Variants in SUPT20H observed in about 807,000 individuals in gnomAD.
SUPT20H encodes SPT20 homolog, SAGA complex component.
SUPT20H carries 82 observed loss-of-function variants against 122.8 expected under a neutral mutation model. The observed-to-expected ratio is 0.67, with a 90% CI of 0.56 to 0.80. The LOEUF (loss-of-function observed/expected upper bound fraction) is 0.80, where lower values mean the gene tolerates loss of function less well. Ranked by LOEUF, SUPT20H falls within the 30% of genes least tolerant of loss-of-function variation. The pLI, the probability that SUPT20H is intolerant of heterozygous loss-of-function variation, is 0.00. For missense variants in SUPT20H, 831 were observed against 921.6 expected, an observed-to-expected ratio of 0.90 and a Z score of 1.27; for synonymous variants, 291 against 313.0, an observed-to-expected ratio of 0.93 and a Z score of 0.74.
chr13:37,041,444 G>A (rs1594371824), intron 7 of SUPT20H, among the ~76,000 whole-genome samples: 2 of 152,008 alleles, frequency 1.3e-5, no homozygotes, highest in Admixed American at 6.6e-5. Context: ...CATGAACCCA[G>A]GCGGTGGGGC....
At chr13:37,055,373 A>G (rs960293555) in intron 1 of SUPT20H, among the ~76,000 whole-genome samples, 3 of 152,148 alleles carry the variant, frequency 2.0e-5, no homozygotes, top group African/African-American at 7.2e-5. Context: ...ACTATACTAC[A>G]AGGCTACATT....
intron 21 of SUPT20H, among the ~76,000 whole-genome samples, chr13:37,020,560 T>TA (rs753595437): frequency 1.3e-5 from 2 of 152,182 alleles, no homozygotes; most frequent in Non-Finnish European, 2.9e-5. Context: ...GTAAATATCC[T>TA]AAGTTCAAGA....
intron 23 of SUPT20H, among the ~76,000 whole-genome samples, chr13:37,016,879 A>T (rs556548968): frequency 6.6e-6 from 1 of 152,134 alleles, no homozygotes; most frequent in Non-Finnish European, 1.5e-5. Context: ...GATAATAGGG[A>T]TATCTTTATT....
chr13:37,028,976 A>C (rs2062806432), intron 13 of SUPT20H, among the ~76,000 whole-genome samples: 1 of 151,752 alleles, frequency 6.6e-6, no homozygotes, highest in Non-Finnish European at 1.5e-5. Context: ...TAAAACTTTC[A>C]AAAGCAGATC....
chr13:37,033,544 A>G lies in SUPT20H; in HGVS notation c.612T>C (p.Ala204=). Residue 204 remains alanine (A), a synonymous_variant, in exon 10 of 26, where the codon GCT becomes GCC. Coordinates refer to ENST00000350612, the MANE Select transcript of SUPT20H (RefSeq NM_001014286.3). ...LLESQLILAT[A]EPLCLDPSIA... is the part of the protein sequence containing the mutation. ...TAGAAGGATCAAGACAGAGTGGTTCAGCTGTAGCTAGGATGAGCTGGCTCT... is the reference window on the plus strand; with the variant it reads ...TAGAAGGATCAAGACAGAGTGGTTCGGCTGTAGCTAGGATGAGCTGGCTCT... The G allele has an allele frequency of 1.2e-6, 2 of 1,613,564 alleles. No individual in the cohort carries two copies. The highest frequency in any genetic ancestry group is 1.7e-6 in the Non-Finnish European group (2 of 1,179,758).
chr13:37,052,909 A>G lies in SUPT20H; in HGVS notation c.-93-1326T>C, dbSNP rs9576158. ...TCAAAAGAAGACATTTATGCGGCCA[A>G]CATATGAAAAAAAGCTCATTATCAC... is the stretch of plus-strand genomic sequence containing the variant. On this transcript the variant is annotated intron_variant, in intron 1 of 25. Coordinates refer to ENST00000350612, the MANE Select transcript of SUPT20H (RefSeq NM_001014286.3). 0.012 allele frequency among the ~76,000 whole-genome samples: 1,874 copies of G among 152,340 alleles called. 73 individuals carry two copies. The East Asian group carries it at 0.12, about 10-fold the overall frequency.
chr13:37,053,575 C>T (rs1288405763), intron 1 of SUPT20H, among the ~76,000 whole-genome samples: 6 of 151,644 alleles, frequency 4.0e-5, no homozygotes, highest in Admixed American at 6.6e-5. Context: ...CTAACACATG[C>T]GGGGCTTAAA....
At chr13:37,015,879 AT>A (rs2060384232) in intron 23 of SUPT20H, among the ~76,000 whole-genome samples, 1 of 152,228 alleles carries the variant, frequency 6.6e-6, no homozygotes, top group African/African-American at 2.4e-5. Flanking sequence ...TATAAAATGA[AT>A]GACCCTTGAA....
At position 37,021,993 on chromosome 13, in the gene SUPT20H, A is replaced by G. The variant is rs781673954; in HGVS notation, c.1661+18T>C. On this transcript the variant is annotated intron_variant, in intron 20 of 25. Transcript: ENST00000350612. ...CTATCTTTATAAAAAAAAAATCCGA[A>G]CATCAATGCAAACTTACCAAACAGA... The G allele has an allele frequency of 6.5e-7, 1 of 1,537,706 alleles. No homozygotes were observed. Among genetic ancestry groups the G allele is most frequent in the Middle Eastern group, 2.1e-4 (1 of 4,816 alleles).
chr13:37,019,505 A>T, intron 21 of SUPT20H, 108 bp from the exon 22 acceptor site: 1 of 626,868 alleles, frequency 1.6e-6, no homozygotes, highest in South Asian at 3.9e-5. Flanking sequence ...TTCTCTGCAT[A>T]GATGTGCTTA....
In SUPT20H at chr13:37,029,759, T is replaced by C. The variant is rs775607420; in HGVS notation, c.993+6A>G. ...TTAGAAACAGAGACAGGCAATGATT[T>C]CTTACATGGGCTGGCCAGACTGTTG... On this transcript the variant is annotated splice_donor_region_variant and intron_variant, in intron 13 of 25. Transcript: ENST00000350612. The C allele has an allele frequency of 1.9e-6, 3 of 1,594,528 alleles. No homozygotes were observed. Among genetic ancestry groups the C allele is most frequent in the South Asian group, 2.3e-5 (2 of 87,056 alleles).
chr13:37,039,485 C>G (rs994118437), intron 9 of SUPT20H: 1 of 152,078 alleles, frequency 6.6e-6, no homozygotes, highest in African/African-American at 2.4e-5. Flanking sequence ...TCTGAAGGAA[C>G]AAAGAATGAT....
rs543311584 is a variant in SUPT20H, at chr13:37,056,007, A to C, written c.-94+3552T>G. Among the ~76,000 whole-genome samples, 109 of 152,366 alleles carry C rather than the reference A, an allele frequency of 7.2e-4. No individual in the cohort carries two copies. The Middle Eastern group carries it at 0.01, about 14-fold the overall frequency. On this transcript the variant is annotated intron_variant, in intron 1 of 25. Coordinates refer to ENST00000350612, the MANE Select transcript of SUPT20H (RefSeq NM_001014286.3). ...GAAGACATTTATACAGCCAAAAGAC[A>C]CATGAAAAAATGCTCATCACTGGCC... is the stretch of plus-strand genomic sequence containing the variant.
intron 2 of SUPT20H, among the ~76,000 whole-genome samples, chr13:37,048,898 T>A (rs901822625): frequency 1.2e-4 from 18 of 152,174 alleles, no homozygotes; most frequent in Non-Finnish European, 1.5e-4. Context: ...AGACATTAAT[T>A]TTTAAGAGCA....
Position 37,021,606 on chromosome 13 carries a change from C to T in SUPT20H, c.1662-4G>A. On this transcript the variant is annotated splice_region_variant and splice_polypyrimidine_tract_variant and intron_variant, in intron 20 of 25. Transcript: ENST00000350612. ...ACTCATCAAAGCCTGGGCCCCACTGCAGGAGAATAAGACAAAGCATTAAAC... is the reference window on the plus strand; with the variant it reads ...ACTCATCAAAGCCTGGGCCCCACTGTAGGAGAATAAGACAAAGCATTAAAC... 6.2e-7 allele frequency: 1 copy of T among 1,610,158 alleles called. No homozygotes were observed. The highest frequency in any genetic ancestry group is 1.7e-5 in the Admixed American group (1 of 59,360).
intron 17 of SUPT20H, 47 bp from the exon 18 acceptor site, chr13:37,024,489 A>G: frequency 8.2e-7 from 1 of 1,218,770 alleles, no homozygotes; most frequent in Non-Finnish European, 1.1e-6. Context: ...TAATACTGCT[A>G]TAAACCCCAG....
At chr13:37,051,210 G>A (rs913724682) in intron 2 of SUPT20H, among the ~76,000 whole-genome samples, 3 of 152,120 alleles carry the variant, frequency 2.0e-5, no homozygotes, top group African/African-American at 4.8e-5. Context: ...CCTTGCCAAC[G>A]ATTTGGAATA....
At chr13:37,059,301 G>C (rs2070081302) in intron 1 of SUPT20H, 1 of 152,238 alleles carries the variant, frequency 6.6e-6, no homozygotes, top group Admixed American at 6.5e-5. Flanking sequence ...CCAGTGTCCG[G>C]AAATACCCGT....
intron 2 of SUPT20H, among the ~76,000 whole-genome samples, chr13:37,050,446 T>TC (rs1184051015): frequency 6.6e-6 from 1 of 151,452 alleles, no homozygotes; most frequent in African/African-American, 2.4e-5. Context: ...TTTTCCCTGA[T>TC]CCCATGTTCC....
Sources: allele counts gnomAD v4.1 joint callset (sites outside exome capture counted in the v4.1 genomes callset), GRCh38; gene constraint gnomAD v4.1.1; transcripts MANE v1.5; gene names NCBI Gene and HGNC (gene_info 2026-07-23, HGNC 2026-07-21).